Variants in RP1 observed in about 807,000 individuals in gnomAD.
RP1 encodes RP1 axonemal microtubule associated.
A neutral mutation model predicts 14.8 loss-of-function variants in RP1; 16 were observed. That is an observed-to-expected ratio of 1.08 (90% CI 0.73 to 1.65). The LOEUF (loss-of-function observed/expected upper bound fraction) is 1.65. Among genes scored for constraint, RP1 ranks in the 40% most tolerant of loss-of-function variants. The pLI is 0.00. For missense variants in RP1, 2,631 were observed against 2,535.0 expected (o/e 1.04, Z -0.81); for synonymous variants, 876 against 883.6 (o/e 0.99, Z 0.15).
downstream of RP1, among the ~76,000 whole-genome samples, chr8:54,634,379 C>A (rs1333577418): frequency 6.6e-6 from 1 of 152,172 alleles, no homozygotes; most frequent in African/African-American, 2.4e-5. Context: ...ACAAAAATTA[C>A]ATTCCCTGGA....
downstream of RP1, among the ~76,000 whole-genome samples, chr8:54,770,362 T>C (rs1315832085): frequency 2.0e-5 from 3 of 151,962 alleles, no homozygotes; most frequent in Non-Finnish European, 4.4e-5. Flanking sequence ...TAGCTCCAAA[T>C]GCTTTTTTCC....
intron 24 of RP1, among the ~76,000 whole-genome samples, chr8:54,817,337 G>T (rs1811157902): frequency 6.6e-6 from 1 of 152,172 alleles, no homozygotes; most frequent in South Asian, 2.1e-4. Context: ...GGTGTCTTGG[G>T]CATGCTTTTG....
Position 54,628,714 on chromosome 8 carries a change from C to T in RP1, c.4832C>T (p.Pro1611Leu). Residue 1611 changes from proline to leucine, a missense_variant, in exon 4 of 4, where the codon CCC (proline) becomes CTC (leucine). Physicochemically the swap from Pro to Leu is moderately conservative, Grantham distance 98. Transcript: ENST00000220676. The stretch of plus-strand genomic sequence containing the variant: ...CCATATAAAACATCCAGTGATGATC[C>T]CAATGACAGTGGCGAACTTACCCAA... ...EQPYKTSSDDPNDSGELTQEK... is the reference protein window; with the variant it reads ...EQPYKTSSDDLNDSGELTQEK... 1 of 1,613,978 alleles carries T rather than the reference C, an allele frequency of 6.2e-7. No individual in the cohort carries two copies. The highest frequency in any genetic ancestry group is 2.2e-5 in the East Asian group (1 of 44,872).
chr8:54,582,559 T>G (rs1423803939), intron 1 of RP1, among the ~76,000 whole-genome samples: 1 of 152,078 alleles, frequency 6.6e-6, no homozygotes, highest in Admixed American at 6.6e-5. Context: ...GGTAGCTTGA[T>G]GGGGATGGCA....
At chr8:54,706,140 T>A (rs2129345081) in intron 14 of RP1, among the ~76,000 whole-genome samples, 1 of 152,332 alleles carries the variant, frequency 6.6e-6, no homozygotes, top group East Asian at 1.9e-4. Flanking sequence ...AATATTAACA[T>A]TATTTGTTTA....
intron 12 of RP1, among the ~76,000 whole-genome samples, chr8:54,695,220 G>T (rs1170180714): frequency 1.3e-5 from 2 of 152,016 alleles, no homozygotes; most frequent in Non-Finnish European, 2.9e-5. Context: ...TGCATTTGCT[G>T]AGGAATGCTT....
At chr8:54,695,592 T>C (rs1807840624) in intron 12 of RP1, among the ~76,000 whole-genome samples, 2 of 152,172 alleles carry the variant, frequency 1.3e-5, no homozygotes, top group Admixed American at 6.6e-5. Context: ...TCTTAGAACA[T>C]TTTCAGGAAC....
intron 12 of RP1, among the ~76,000 whole-genome samples, chr8:54,690,248 G>T (rs575418210): frequency 6.6e-6 from 1 of 151,954 alleles, no homozygotes; most frequent in African/African-American, 2.4e-5. Flanking sequence ...ATAATTTTAG[G>T]CCCTATTTCT....
chr8:54,620,706 G>C (rs1805834893), intron 1 of RP1, among the ~76,000 whole-genome samples: 1 of 151,898 alleles, frequency 6.6e-6, no homozygotes, highest in Non-Finnish European at 1.5e-5. Context: ...AATTTATCTA[G>C]GCCCTTATTC....
chr8:54,624,635 G>T, intron 3 of RP1, 35 bp from the exon 4 acceptor site: 1 of 1,608,248 alleles, frequency 6.2e-7, no homozygotes, highest in South Asian at 1.1e-5. Context: ...ATTATATTTT[G>T]ATGTGGGCAC....
intron 19 of RP1, among the ~76,000 whole-genome samples, chr8:54,747,296 C>A (rs983695491): frequency 3.3e-5 from 5 of 152,200 alleles, no homozygotes; most frequent in Non-Finnish European, 5.9e-5. Context: ...CCTTCTCATG[C>A]TGTGGAAGCC....
upstream of RP1, among the ~76,000 whole-genome samples, chr8:54,612,324 T>C (rs1805617799): frequency 6.6e-6 from 1 of 152,108 alleles, no homozygotes; most frequent in African/African-American, 2.4e-5. Context: ...CAAGCTGCTG[T>C]AGGAATGCAG....
intron 24 of RP1, among the ~76,000 whole-genome samples, chr8:54,801,664 T>C (rs1031792300): frequency 4.6e-5 from 7 of 152,052 alleles, no homozygotes; most frequent in Non-Finnish European, 8.8e-5. Flanking sequence ...CCTGGTGGGG[T>C]TCTTGGAGGA....
At chr8:54,735,683 T>C (rs750436459) in intron 18 of RP1, among the ~76,000 whole-genome samples, 6 of 152,232 alleles carry the variant, frequency 3.9e-5, no homozygotes, top group African/African-American at 7.2e-5. Flanking sequence ...TTGTCTGCAG[T>C]TGTGGAGGAG....
chr8:54,826,865 C>T (rs1811396072), intron 24 of RP1, among the ~76,000 whole-genome samples: 2 of 152,188 alleles, frequency 1.3e-5, no homozygotes, highest in South Asian at 2.1e-4. Context: ...TCATAGAGTG[C>T]ACTTGCACAA....
intron 17 of RP1, among the ~76,000 whole-genome samples, chr8:54,731,081 ACT>A (rs1563360342): frequency 6.6e-6 from 1 of 152,152 alleles, no homozygotes; most frequent in African/African-American, 2.4e-5. Flanking sequence ...TTATGGCCAC[ACT>A]CTGATGGTAA....
chr8:54,579,608 T>C (rs1310178747), intron 1 of RP1, among the ~76,000 whole-genome samples: 1 of 152,172 alleles, frequency 6.6e-6, no homozygotes, highest in African/African-American at 2.4e-5. Flanking sequence ...ATCCTGTAAG[T>C]CTGTTCTGAT....
downstream of RP1, chr8:54,770,104 T>G: frequency 2.5e-6 from 1 of 401,464 alleles, no homozygotes. Flanking sequence ...TTAACTGCAC[T>G]TCACTTTTAT....
At chr8:54,582,601 C>A (rs1378324270) in intron 1 of RP1, among the ~76,000 whole-genome samples, 1 of 152,060 alleles carries the variant, frequency 6.6e-6, no homozygotes, top group Non-Finnish European at 1.5e-5. Flanking sequence ...AGCAGTGTGG[C>A]CATTTTCACG....
Sources: allele counts gnomAD v4.1 joint callset (sites outside exome capture counted in the v4.1 genomes callset), GRCh38; gene constraint gnomAD v4.1.1; transcripts MANE v1.5; gene names NCBI Gene and HGNC (gene_info 2026-07-23, HGNC 2026-07-21).